Variants in SAMM50 observed in about 807,000 individuals in gnomAD.
The protein encoded by SAMM50 is sorting and assembly machinery component 50 homolog.
A neutral mutation model predicts 66.9 loss-of-function variants in SAMM50; 47 were observed. The ratio of observed to expected loss-of-function variants is 0.70; its 90% CI spans 0.56 to 0.90. The LOEUF is 0.90. Ranked by LOEUF, SAMM50 falls within the 40% of genes least tolerant of loss-of-function variation. The pLI is 0.00. For missense variants in SAMM50, 535 were observed against 595.3 expected (o/e 0.90, Z 1.05); for synonymous variants, 191 against 214.1 (o/e 0.89, Z 0.94).
chr22:43,982,624 T>A (rs1045007826), intron 11 of SAMM50, among the ~76,000 whole-genome samples: 16 of 152,310 alleles, frequency 1.1e-4, no homozygotes, highest in African/African-American at 3.8e-4. Flanking sequence ...ATTTATCGTT[T>A]CTTTTTTATT....
intron 14 of SAMM50, among the ~76,000 whole-genome samples, chr22:43,995,772 T>C (rs1477611726): frequency 6.6e-6 from 1 of 152,108 alleles, no homozygotes; most frequent in Non-Finnish European, 1.5e-5. Context: ...CTGTGTGGAG[T>C]CACACCTGCA....
intron 4 of SAMM50, 101 bp downstream of exon 4, chr22:43,968,919 C>T (rs1331169550): frequency 2.7e-6 from 2 of 741,800 alleles, no homozygotes; most frequent in Non-Finnish European, 2.4e-6. Flanking sequence ...AGCACTGCTC[C>T]CTGCTGTGTA....
At chr22:43,956,367 T>C (rs559553088) in intron 1 of SAMM50, among the ~76,000 whole-genome samples, 6 of 152,342 alleles carry the variant, frequency 3.9e-5, no homozygotes, top group African/African-American at 1.4e-4. Context: ...TTGACCTGCA[T>C]AGACGTTTTC....
Position 43,955,577 on chromosome 22 carries a change from C to T in SAMM50, c.-1C>T. 4 of 1,601,356 alleles carry T rather than the reference C, an allele frequency of 2.5e-6. No individual in the cohort carries two copies. Among genetic ancestry groups the T allele is most frequent in the Non-Finnish European group, 3.4e-6 (4 of 1,175,106 alleles). ...GCGAGGCAGCGGCTGGAGAGGGAACCATGGGGACTGTGCACGCCCGGGTAA... is the reference window on the plus strand; with the variant it reads ...GCGAGGCAGCGGCTGGAGAGGGAACTATGGGGACTGTGCACGCCCGGGTAA... On this transcript the variant is annotated 5_prime_UTR_variant, in exon 1 of 15. Transcript: ENST00000350028.
At chr22:43,962,968 G>A (rs566825915) in intron 1 of SAMM50, 1 of 137,410 alleles carries the variant, frequency 7.3e-6, no homozygotes, top group Admixed American at 8.6e-5. Flanking sequence ...CTAGCCTCAA[G>A]TGATCCTTTC....
chr22:43,990,409 A>ACGTGTTGGGAATTATT lies in SAMM50; in HGVS notation c.1364+4_1364+19dup, dbSNP rs774245396. On this transcript the variant is annotated splice_donor_region_variant and intron_variant, in intron 14 of 14. Transcript: ENST00000350028. Reference sequence around the variant, plus strand: ...ATGGGAGTACAGACAGGCGACAGGTACGTGTTGGGAATTATTTTCCACAAT... The same window carrying ACGTGTTGGGAATTATT: ...ATGGGAGTACAGACAGGCGACAGGTACGTGTTGGGAATTATTCGTGTTGGGAATTATTTTCCACAAT... 1.3e-4 allele frequency: 217 copies of ACGTGTTGGGAATTATT among 1,613,766 alleles called. No homozygotes were observed. The African/African-American group carries it at 2.5e-3, about 18-fold the overall frequency.
At position 43,972,253 on chromosome 22, in the gene SAMM50, A is replaced by C. The variant is rs201341859; in HGVS notation, c.340A>C (p.Asn114His). The C allele has an allele frequency of 1.9e-6, 3 of 1,584,608 alleles. No individual in the cohort carries two copies. The highest frequency in any genetic ancestry group is 2.7e-5 in the African/African-American group (2 of 73,606). Residue 114 changes from asparagine (N) to histidine (H), a missense_variant, in exon 5 of 15, where the codon AAT (asparagine) becomes CAT (histidine). Coordinates refer to ENST00000350028, the MANE Select transcript of SAMM50 (RefSeq NM_015380.5). Reference protein sequence around the residue: ...DTCQGDDALPNGLDVTFEVTE... With the variant: ...DTCQGDDALPHGLDVTFEVTE... ...TTATTTAGGTGATGACGCACTTCCA[A>C]ATGGGTTAGACGTTACCTTTGAAGT... is the stretch of plus-strand genomic sequence containing the variant.
chr22:43,973,684 G>A (rs1401580829), intron 7 of SAMM50, among the ~76,000 whole-genome samples: 2 of 152,180 alleles, frequency 1.3e-5, no homozygotes, highest in African/African-American at 2.4e-5. Context: ...CGCCCAGGCT[G>A]GAGTACAATG....
At chr22:43,979,856 C>T (rs1015623417) in intron 10 of SAMM50, among the ~76,000 whole-genome samples, 2 of 151,602 alleles carry the variant, frequency 1.3e-5, no homozygotes, top group African/African-American at 2.4e-5. Context: ...TTCAGGCACT[C>T]GTATTCACTC....
intron 6 of SAMM50, 33 bp downstream of exon 6, chr22:43,973,034 G>A (rs555842362): frequency 1.3e-6 from 2 of 1,576,590 alleles, no homozygotes; most frequent in Non-Finnish European, 1.7e-6. Flanking sequence ...GAGTACACTG[G>A]CCTGATAGAA....
Position 43,959,507 on chromosome 22 carries a change from TACAC to T in SAMM50, c.22-3746_22-3743del, listed in dbSNP as rs138315774. 9.4e-3 allele frequency among the ~76,000 whole-genome samples: 1,308 copies of T among 138,572 alleles called. 22 individuals carry two copies. The highest frequency in any genetic ancestry group is 0.031 in the African/African-American group (1,129 of 35,900). The allele number at this position is 138,572 out of a possible 152,430, so 90.9% of individuals were successfully genotyped here. On this transcript the variant is annotated intron_variant, in intron 1 of 14. Coordinates refer to ENST00000350028, the MANE Select transcript of SAMM50 (RefSeq NM_015380.5). ...AAATATTTATTTTATTTTTTTATAT[TACAC>T]ACACACACACACACACACACACACA... is the stretch of plus-strand genomic sequence containing the variant.
intron 11 of SAMM50, among the ~76,000 whole-genome samples, chr22:43,982,709 TA>T (rs2050270930): frequency 6.6e-6 from 1 of 152,178 alleles, no homozygotes. Flanking sequence ...GATCTCGACT[TA>T]CTACAACCTC....
At chr22:43,957,297 TA>T in intron 1 of SAMM50, 1 of 653,440 alleles carries the variant, frequency 1.5e-6, no homozygotes, top group Non-Finnish European at 2.8e-6. Flanking sequence ...ATCTTCCTGC[TA>T]AGGCTGTTGG....
rs2050308164 is a variant in SAMM50 at position 43,988,921 on chromosome 22, AG to A, written c.1076-188del. ...GTTAAATCAAGGTGTGAAACAAACC[AG>A]GAGAAAAAGAAAGATTATTTAAAAT... On this transcript the variant is annotated intron_variant, in intron 12 of 14. Coordinates refer to ENST00000350028, the MANE Select transcript of SAMM50 (RefSeq NM_015380.5). The A allele has an allele frequency of 1.6e-5, 8 of 492,710 alleles. No homozygotes were observed. In the South Asian group the frequency reaches 3.7e-4, roughly 23 times the overall value. 30.5% of individuals were successfully genotyped at this position (492,710 alleles called of 1,614,324 possible). A position where few individuals can be genotyped will look rare whatever the true frequency, so the allele number is the denominator to read the frequency against.
At chr22:43,971,636 T>G (rs985941241) in intron 4 of SAMM50, among the ~76,000 whole-genome samples, 1 of 152,234 alleles carries the variant, frequency 6.6e-6, no homozygotes, top group African/African-American at 2.4e-5. Flanking sequence ...TATTGTTTGC[T>G]TAAGTTTGCT....
At chr22:43,993,286 G>T (rs2050335516) in intron 14 of SAMM50, among the ~76,000 whole-genome samples, 1 of 152,274 alleles carries the variant, frequency 6.6e-6, no homozygotes, top group Non-Finnish European at 1.5e-5. Flanking sequence ...CTCGGGCAGG[G>T]AGGGTCTGGG....
chr22:43,984,863 C>T (rs982451089), intron 12 of SAMM50, among the ~76,000 whole-genome samples: 9 of 152,004 alleles, frequency 5.9e-5, no homozygotes, highest in Non-Finnish European at 8.8e-5. Context: ...AACTCCTGAC[C>T]TCGTGATCCA....
chr22:43,981,362 A>G (rs2050263730), intron 10 of SAMM50, 29 bp from the exon 11 acceptor site: 1 of 1,580,926 alleles, frequency 6.3e-7, no homozygotes, highest in Non-Finnish European at 8.7e-7. Flanking sequence ...ATGCTGGGAG[A>G]AAACAACCAT....
intron 9 of SAMM50, 23 bp from the exon 10 acceptor site, chr22:43,977,849 A>G: frequency 6.4e-7 from 1 of 1,564,642 alleles, no homozygotes; most frequent in Non-Finnish European, 8.8e-7. Flanking sequence ...GCTCCCTTTG[A>G]CCTGAGTGCT....
Sources: gnomAD v4.1 joint callset for allele counts (sites outside exome capture counted in the v4.1 genomes callset) on GRCh38, gnomAD v4.1.1 for gene constraint, MANE v1.5 for transcripts, NCBI Gene and HGNC (gene_info 2026-07-23, HGNC 2026-07-21) for gene names.